The following PDE4D variants were observed in gnomAD, a reference collection of about 807,000 sequenced individuals.
PDE4D encodes phosphodiesterase 4D.
In PDE4D, 24 loss-of-function variants were observed where a neutral mutation model predicts 87.4. That is an observed-to-expected ratio of 0.27 (90% CI 0.20 to 0.39). The LOEUF is 0.39. Ranked by LOEUF, PDE4D falls within the 10% of genes least tolerant of loss-of-function variation. The pLI, the probability that PDE4D is intolerant of heterozygous loss-of-function variation, is 1.00. For missense variants in PDE4D, 714 were observed against 1,041.0 expected, an observed-to-expected ratio of 0.69 and a Z score of 4.32; for synonymous variants, 384 against 383.2, an observed-to-expected ratio of 1.00 and a Z score of -0.02.
chr5:59,865,752 G>T (rs1581490646), intron 1 of PDE4D, among the ~76,000 whole-genome samples: 1 of 152,274 alleles, frequency 6.6e-6, no homozygotes, highest in South Asian at 2.1e-4. Context: ...TTTATTGAGT[G>T]CTGACTTATA....
intron 2 of PDE4D, among the ~76,000 whole-genome samples, chr5:60,062,173 G>A (rs1308567029): frequency 6.6e-6 from 1 of 151,622 alleles, no homozygotes; most frequent in Non-Finnish European, 1.5e-5. Context: ...CTGACAAAGG[G>A]CTACCATCCA....
intron 1 of PDE4D, among the ~76,000 whole-genome samples, chr5:60,377,102 A>G (rs1761487905): frequency 6.6e-6 from 1 of 152,238 alleles, no homozygotes; most frequent in Non-Finnish European, 1.5e-5. Flanking sequence ...ACAGGCAACC[A>G]AATATTGTCC....
chr5:59,844,891 T>A (rs1038854431), intron 1 of PDE4D, among the ~76,000 whole-genome samples: 4 of 152,042 alleles, frequency 2.6e-5, no homozygotes, highest in Admixed American at 1.3e-4. Context: ...AGAACATCCA[T>A]AAGGAGGAGT....
intron 2 of PDE4D, among the ~76,000 whole-genome samples, chr5:60,108,867 G>T (rs1467409496): frequency 6.6e-6 from 1 of 151,952 alleles, no homozygotes; most frequent in Non-Finnish European, 1.5e-5. Flanking sequence ...ATTCAAGATG[G>T]ATTAAAGACT....
At chr5:59,219,140 C>A (rs1307616017) in intron 1 of PDE4D, among the ~76,000 whole-genome samples, 1 of 148,510 alleles carries the variant, frequency 6.7e-6, no homozygotes, top group Non-Finnish European at 1.5e-5. Context: ...CACATGTATA[C>A]ATATGTATCT....
At chr5:59,810,875 C>A (rs1217258521) in intron 1 of PDE4D, among the ~76,000 whole-genome samples, 1 of 152,106 alleles carries the variant, frequency 6.6e-6, no homozygotes, top group Non-Finnish European at 1.5e-5. Context: ...TAATTTGTAT[C>A]TTTATTGATC....
At chr5:60,265,732 G>A (rs1750136346) in intron 1 of PDE4D, among the ~76,000 whole-genome samples, 1 of 152,014 alleles carries the variant, frequency 6.6e-6, no homozygotes, top group Admixed American at 6.6e-5. Flanking sequence ...CACATAAAAG[G>A]GGCCAGAGTC....
rs925315957 is a variant in PDE4D, at chr5:59,727,374, C to T, written c.455+165794G>A. On this transcript the variant is annotated intron_variant, in intron 1 of 14. Coordinates refer to ENST00000340635, the MANE Select transcript of PDE4D (RefSeq NM_001104631.2). ...TCAGAAATAGATTTTCCCAGCAATACGCCTCAGGGAAAATAAAATGTGTGG... is the reference window on the plus strand; with the variant it reads ...TCAGAAATAGATTTTCCCAGCAATATGCCTCAGGGAAAATAAAATGTGTGG... Among the ~76,000 whole-genome samples, 5 of 151,986 alleles carry T rather than the reference C, an allele frequency of 3.3e-5. No individual in the cohort carries two copies. In the East Asian group the frequency reaches 5.8e-4, roughly 18 times the overall value.
At chr5:60,491,819 T>C (rs1468054199), upstream of PDE4D, among the ~76,000 whole-genome samples, 2 of 144,276 alleles carry the variant, frequency 1.4e-5, no homozygotes, top group African/African-American at 5.9e-5. Context: ...GACTCTTAAT[T>C]GTTAGACCCT....
intron 6 of PDE4D, 55 bp from the exon 7 acceptor site, chr5:58,993,520 A>T: frequency 9.4e-7 from 1 of 1,065,462 alleles, no homozygotes; most frequent in Non-Finnish European, 1.4e-6. Flanking sequence ...TAAGTGAAAT[A>T]TATATGCATA....
chr5:59,078,362 A>C (rs570224388), intron 5 of PDE4D, among the ~76,000 whole-genome samples: 270 of 152,286 alleles, frequency 1.8e-3, no homozygotes, highest in African/African-American at 6.2e-3. Flanking sequence ...TTTGATTTTT[A>C]AAAATTACCC....
chr5:59,165,262 T>C (rs7730750), intron 5 of PDE4D, among the ~76,000 whole-genome samples: 93,068 of 151,964 alleles, frequency 0.61, 28,901 homozygotes, highest in Non-Finnish European at 0.68. Flanking sequence ...GCATTTTGCT[T>C]CATTTTTCAT....
Position 59,872,411 on chromosome 5 carries a change from C to T in PDE4D, c.455+20757G>A, listed in dbSNP as rs972992547. On this transcript the variant is annotated intron_variant, in intron 1 of 14. Coordinates refer to ENST00000340635, the MANE Select transcript of PDE4D (RefSeq NM_001104631.2). Reference sequence around the variant, plus strand: ...GCAAGTTTTTTGCAATAAAAAGCTACTTACCAACTCTGCAAACTTGGATAT... The same window carrying T: ...GCAAGTTTTTTGCAATAAAAAGCTATTTACCAACTCTGCAAACTTGGATAT... Among the ~76,000 whole-genome samples, 5 of 152,176 alleles carry T rather than the reference C, an allele frequency of 3.3e-5. No homozygotes were observed. The South Asian group carries it at 1.0e-3, about 32-fold the overall frequency.
At chr5:60,082,808 T>C (rs1488610645) in intron 2 of PDE4D, among the ~76,000 whole-genome samples, 3 of 152,222 alleles carry the variant, frequency 2.0e-5, no homozygotes. Context: ...CTACTCATTC[T>C]TGCCATGCTG....
chr5:59,425,467 CA>C (rs1370347345), intron 1 of PDE4D, among the ~76,000 whole-genome samples: 2 of 152,080 alleles, frequency 1.3e-5, no homozygotes, highest in African/African-American at 4.8e-5. Context: ...CCACTTATTA[CA>C]ATAAAAAAAG....
At chr5:59,557,777 C>A (rs1386426077) in intron 1 of PDE4D, among the ~76,000 whole-genome samples, 2 of 152,102 alleles carry the variant, frequency 1.3e-5, no homozygotes, top group African/African-American at 4.8e-5. Context: ...CAATGCTAAA[C>A]ATGAATCAGC....
intron 1 of PDE4D, among the ~76,000 whole-genome samples, chr5:59,645,187 G>A (rs1317364656): frequency 1.3e-5 from 2 of 152,190 alleles, no homozygotes; most frequent in Non-Finnish European, 2.9e-5. Context: ...TAGGCAAACA[G>A]ATTTCCTGTG....
chr5:60,494,988 A>G (rs1283214364), intron 1 of PDE4D, among the ~76,000 whole-genome samples: 1 of 152,120 alleles, frequency 6.6e-6, no homozygotes, highest in Non-Finnish European at 1.5e-5. Flanking sequence ...ATGATTATAC[A>G]ACCTGTACCA....
intron 1 of PDE4D, among the ~76,000 whole-genome samples, chr5:59,565,378 G>C (rs10065078): frequency 0.72 from 109,068 of 152,058 alleles, 39,582 homozygotes; most frequent in South Asian, 0.81. Context: ...AATGAGCCAG[G>C]CATGTTGGTT....
Sources: allele counts gnomAD v4.1 joint callset (sites outside exome capture counted in the v4.1 genomes callset), GRCh38; gene constraint gnomAD v4.1.1; transcripts MANE v1.5; gene names NCBI Gene and HGNC (gene_info 2026-07-23, HGNC 2026-07-21).